The following RYR2 variants were observed in gnomAD, a reference collection of about 807,000 sequenced individuals.
RYR2 encodes ryanodine receptor 2.
A neutral mutation model predicts 601.1 loss-of-function variants in RYR2; 227 were observed. The observed-to-expected ratio is 0.38, with a 90% confidence interval of 0.34 to 0.42. The LOEUF (loss-of-function observed/expected upper bound fraction) is 0.42. Among genes scored for constraint, RYR2 ranks in the 10% least tolerant of loss-of-function variants. RYR2 has a pLI of 1.00. For synonymous variants in RYR2, 2,223 were observed against 2,175.1 expected (o/e 1.02, Z -0.61); for missense variants, 4,646 against 6,156.5 (o/e 0.75, Z 8.21).
At chr1:237,360,000 A>G (rs1197549108) in intron 4 of RYR2, among the ~76,000 whole-genome samples, 1 of 152,228 alleles carries the variant, frequency 6.6e-6, no homozygotes, top group Non-Finnish European at 1.5e-5. Context: ...GATGTCTTAC[A>G]CATGTATTTT....
chr1:237,824,778 C>T (rs1471441687), intron 101 of RYR2, among the ~76,000 whole-genome samples: 2 of 152,166 alleles, frequency 1.3e-5, no homozygotes, highest in African/African-American at 4.8e-5. Context: ...AAAACCCCAT[C>T]ATCTCAGCCC....
At chr1:237,637,779 G>T (rs549245604) in intron 44 of RYR2, among the ~76,000 whole-genome samples, 19 of 152,296 alleles carry the variant, frequency 1.2e-4, no homozygotes, top group African/African-American at 4.3e-4. Flanking sequence ...ATAGATAAGG[G>T]TCTCAAGTTA....
chr1:237,470,405 C>G (rs758326554), intron 17 of RYR2, among the ~76,000 whole-genome samples: 41 of 152,060 alleles, frequency 2.7e-4, no homozygotes, highest in Non-Finnish European at 5.4e-4. Flanking sequence ...AATTTTAAGT[C>G]ACAGAGAAAA....
At position 237,082,524 on chromosome 1, in the gene RYR2, C is replaced by CATATATATATATGT. The variant is rs1665829222; in HGVS notation, c.48+39967_48+39968insGTATATATATATAT. On this transcript the variant is annotated intron_variant, in intron 1 of 104. Coordinates refer to ENST00000366574, the MANE Select transcript of RYR2 (RefSeq NM_001035.3). ...TGTTATATTCTTTCAAATAGGAAAA[C>CATATATATATATGT]ATATATATATATATATATATATATA... 5.0e-5 allele frequency among the ~76,000 whole-genome samples: 4 copies of CATATATATATATGT among 80,004 alleles called. No homozygotes were observed. In the East Asian group the frequency reaches 1.5e-3, roughly 29 times the overall value. The allele number at this position is 80,004 out of a possible 152,430, so 52.5% of individuals were successfully genotyped here. A position where few individuals can be genotyped will look rare whatever the true frequency, so the allele number is the denominator to read the frequency against.
chr1:237,201,002 G>T (rs372487739), intron 1 of RYR2, among the ~76,000 whole-genome samples: 29 of 152,198 alleles, frequency 1.9e-4, no homozygotes, highest in Admixed American at 6.5e-5. Context: ...TCAATGTAGG[G>T]TTCCCAAATC....
At chr1:237,094,247 T>C (rs1667268021) in intron 1 of RYR2, among the ~76,000 whole-genome samples, 1 of 152,248 alleles carries the variant, frequency 6.6e-6, no homozygotes, top group Non-Finnish European at 1.5e-5. Context: ...CCTGTGGTTA[T>C]TGCTAATAAT....
chr1:237,595,110 A>C (rs550343771), intron 33 of RYR2, among the ~76,000 whole-genome samples: 1 of 143,948 alleles, frequency 6.9e-6, no homozygotes, highest in East Asian at 2.0e-4. Context: ...AAACAAAACA[A>C]AACAAAAAAA....
In RYR2 at chr1:237,783,617, T is replaced by G. The variant is rs566126732; in HGVS notation, c.11963-58T>G. ...ATTAAAGATCTACATTGTTATCTTC[T>G]GTATGATCACTGATTTTGTTAGTTT... On this transcript the variant is annotated intron_variant, in intron 89 of 104. Coordinates refer to ENST00000366574, the MANE Select transcript of RYR2 (RefSeq NM_001035.3). 1.8e-5 allele frequency: 19 copies of G among 1,035,820 alleles called. No homozygotes were observed. The East Asian group carries it at 4.9e-4, about 26-fold the overall frequency. The allele number at this position is 1,035,820 out of a possible 1,614,324, so 64.2% of individuals were successfully genotyped here. A position where few individuals can be genotyped will look rare whatever the true frequency, so the allele number is the denominator to read the frequency against.
chr1:237,345,467 TA>T (rs1332928390), intron 3 of RYR2, among the ~76,000 whole-genome samples: 1 of 143,960 alleles, frequency 6.9e-6, no homozygotes. Context: ...AAATAAAAAA[TA>T]AAAAATAAAA....
chr1:237,596,448 A>G (rs1003836458), intron 34 of RYR2, among the ~76,000 whole-genome samples: 2 of 152,198 alleles, frequency 1.3e-5, no homozygotes, highest in African/African-American at 4.8e-5. Context: ...TAGATCAAGC[A>G]TAAGAAAGAC....
In RYR2 at chr1:237,722,537, T is replaced by C. The variant is rs912030064; in HGVS notation, c.10555-591T>C. On this transcript the variant is annotated intron_variant, in intron 73 of 104. Transcript: ENST00000366574. Reference sequence around the variant, plus strand: ...CAAGCTCCGCCTCCCGGGTTCACGCTGTTCTCCTGCCTCAGCCTCCCGAGT... The same window carrying C: ...CAAGCTCCGCCTCCCGGGTTCACGCCGTTCTCCTGCCTCAGCCTCCCGAGT... Among the ~76,000 whole-genome samples the C allele has an allele frequency of 5.0e-4, 75 of 151,482 alleles. 1 individual carries two copies. Among genetic ancestry groups the C allele is most frequent in the African/African-American group, 1.6e-3 (67 of 41,300 alleles).
chr1:237,697,333 T>C (rs1687547927), intron 63 of RYR2, among the ~76,000 whole-genome samples: 1 of 143,860 alleles, frequency 7.0e-6, no homozygotes, highest in South Asian at 2.1e-4. Flanking sequence ...TGTGTGTGTA[T>C]ATATATATAG....
chr1:237,331,077 C>T, intron 3 of RYR2, 95 bp downstream of exon 3: 3 of 1,019,700 alleles, frequency 2.9e-6, no homozygotes, highest in Non-Finnish European at 4.6e-6. Flanking sequence ...TTTCTTTTTG[C>T]TAAAATAAGT....
At chr1:237,396,407 G>A (rs1194464159) in intron 10 of RYR2, among the ~76,000 whole-genome samples, 1 of 152,136 alleles carries the variant, frequency 6.6e-6, no homozygotes, top group East Asian at 1.9e-4. Flanking sequence ...GCATTTTTGG[G>A]GTTGTGGATA....
chr1:237,284,712 C>CCA (rs1256286020), intron 2 of RYR2, among the ~76,000 whole-genome samples: 1 of 126,954 alleles, frequency 7.9e-6, no homozygotes, highest in Non-Finnish European at 1.7e-5. Context: ...AAACACCCCC[C>CCA]CACACACACA....
intron 1 of RYR2, among the ~76,000 whole-genome samples, chr1:237,248,918 C>A (rs73123341): frequency 6.6e-6 from 1 of 151,978 alleles, no homozygotes; most frequent in East Asian, 1.9e-4. Flanking sequence ...TGCGCCACCA[C>A]GTCCGGCTAA....
In RYR2 at chr1:237,614,645, G is replaced by A. The variant is rs369835453; in HGVS notation, c.5517G>A (p.Leu1839=). ...LIMGIFHNED[L]KHILQLIEPS... is the part of the protein sequence containing the mutation. ...TGGGCATCTTTCACAACGAGGACTTGAAGCACATCTTGCAGTTGATTGAGC... is the reference window on the plus strand; with the variant it reads ...TGGGCATCTTTCACAACGAGGACTTAAAGCACATCTTGCAGTTGATTGAGC... Residue 1839 remains leucine, a synonymous_variant, in exon 37 of 105, where the codon TTG becomes TTA. Coordinates refer to ENST00000366574, the MANE Select transcript of RYR2 (RefSeq NM_001035.3). This position sits in a 1 kb window ranked among gnomAD's most constrained non-coding sequence, Gnocchi z 4.3. The A allele has an allele frequency of 3.7e-6, 6 of 1,613,882 alleles. No homozygotes were observed. In the African/African-American group the frequency reaches 8.0e-5, roughly 22 times the overall value.
At chr1:237,488,172 T>C (rs1009949901) in intron 17 of RYR2, among the ~76,000 whole-genome samples, 2 of 152,228 alleles carry the variant, frequency 1.3e-5, no homozygotes, top group Non-Finnish European at 2.9e-5. Context: ...AACTTCTTGG[T>C]CTTTTTTCTT....
At chr1:237,531,756 T>C (rs553699102) in intron 25 of RYR2, among the ~76,000 whole-genome samples, 1 of 152,346 alleles carries the variant, frequency 6.6e-6, no homozygotes, top group South Asian at 2.1e-4. Flanking sequence ...AAAATTTAAA[T>C]AGTTCCAAAA....
Sources: gnomAD v4.1 joint callset for allele counts (sites outside exome capture counted in the v4.1 genomes callset) on GRCh38, gnomAD v4.1.1 for gene constraint, Gnocchi (gnomAD v3.1) non-coding constraint, MANE v1.5 for transcripts, NCBI Gene and HGNC (gene_info 2026-07-23, HGNC 2026-07-21) for gene names.